Variants in HDAC9 observed in about 807,000 individuals in gnomAD.
The protein encoded by HDAC9 is histone deacetylase 9, also known as MEF-2 interacting transcription repressor (MITR) protein.
A neutral mutation model predicts 139.4 loss-of-function variants in HDAC9; 41 were observed. That is an observed-to-expected ratio of 0.29 (90% CI 0.23 to 0.38). The LOEUF is 0.38. HDAC9 is among the 10% of genes least tolerant of loss of function. The pLI is 1.00. For missense variants in HDAC9, 1,147 were observed against 1,297.0 expected (o/e 0.88, Z 1.78); for synonymous variants, 517 against 476.2 (o/e 1.09, Z -1.12).
intron 22 of HDAC9, among the ~76,000 whole-genome samples, chr7:18,919,765 G>A (rs563439455): frequency 4.1e-4 from 62 of 151,988 alleles, no homozygotes. Context: ...AAATCTGACT[G>A]TCTTTTATTT....
chr7:18,788,261 C>T (rs776656498), intron 16 of HDAC9, among the ~76,000 whole-genome samples: 3 of 152,146 alleles, frequency 2.0e-5, no homozygotes, highest in African/African-American at 4.8e-5. Context: ...TTTGGCTCCA[C>T]CCATAGTTAA....
At chr7:18,786,133 C>T (rs909615062) in intron 16 of HDAC9, among the ~76,000 whole-genome samples, 2 of 152,048 alleles carry the variant, frequency 1.3e-5, no homozygotes, top group African/African-American at 4.8e-5. Flanking sequence ...TAAACGAAAT[C>T]ATGTTTCTGC....
At chr7:18,931,025 A>G (rs763953236) in intron 22 of HDAC9, among the ~76,000 whole-genome samples, 2 of 152,220 alleles carry the variant, frequency 1.3e-5, no homozygotes, top group Non-Finnish European at 2.9e-5. Context: ...ACTAGAAATT[A>G]TTAGTAAGAT....
chr7:18,832,740 T>TA (rs398111123), intron 19 of HDAC9, among the ~76,000 whole-genome samples: 54,095 of 149,352 alleles, frequency 0.36, 9,747 homozygotes, highest in South Asian at 0.52. Flanking sequence ...TATATATATA[T>TA]TTTTTTTTTC....
chr7:18,270,397 A>C (rs1280715102), intron 2 of HDAC9, among the ~76,000 whole-genome samples: 1 of 152,166 alleles, frequency 6.6e-6, no homozygotes, highest in African/African-American at 2.4e-5. Context: ...CATAGAATAA[A>C]AAAGTTCAAT....
chr7:18,466,091 A>G (rs1794252267), intron 1 of HDAC9, among the ~76,000 whole-genome samples: 1 of 152,238 alleles, frequency 6.6e-6, no homozygotes, highest in African/African-American at 2.4e-5. Flanking sequence ...AGTTGGTGGC[A>G]GCATTCAATT....
intron 1 of HDAC9, among the ~76,000 whole-genome samples, chr7:18,375,678 C>T (rs1257156647): frequency 6.6e-6 from 1 of 152,058 alleles, no homozygotes; most frequent in Non-Finnish European, 1.5e-5. Flanking sequence ...AGCCTAAAGC[C>T]CCAGTGTGGA....
chr7:18,814,639 A>G (rs934416514), intron 17 of HDAC9, among the ~76,000 whole-genome samples: 1 of 152,098 alleles, frequency 6.6e-6, no homozygotes, highest in Non-Finnish European at 1.5e-5. Flanking sequence ...AATTGCTTTG[A>G]TGTTCTTTAT....
At position 18,584,025 on chromosome 7, in the gene HDAC9, A is replaced by C. The variant is rs538391920; in HGVS notation, c.23-1256A>C. On this transcript the variant is annotated intron_variant, in intron 2 of 25. Coordinates refer to ENST00000686413, the MANE Select transcript of HDAC9 (RefSeq NM_178425.4). Reference sequence around the variant, plus strand: ...CAAAATATTTAACAACCAGTTTGGCATGGATGCTGGTCATTCAAAATGTCA... The same window carrying C: ...CAAAATATTTAACAACCAGTTTGGCCTGGATGCTGGTCATTCAAAATGTCA... Among the ~76,000 whole-genome samples, 11 of 152,206 alleles carry C rather than the reference A, an allele frequency of 7.2e-5. No individual in the cohort carries two copies. The South Asian group carries it at 2.3e-3, about 32-fold the overall frequency.
intron 6 of HDAC9, among the ~76,000 whole-genome samples, chr7:18,617,184 C>A (rs1460946975): frequency 2.0e-5 from 3 of 152,074 alleles, no homozygotes; most frequent in African/African-American, 7.2e-5. Flanking sequence ...CCACTGATTC[C>A]ATCATACTCC....
intron 24 of HDAC9, among the ~76,000 whole-genome samples, chr7:18,970,178 C>CA (rs1784155054): frequency 6.6e-6 from 1 of 151,932 alleles, no homozygotes; most frequent in South Asian, 2.1e-4. Context: ...CCCGTTGAAA[C>CA]AAAAAATACA....
intron 12 of HDAC9, chr7:18,667,384 T>C (rs1394811683): frequency 1.0e-6 from 1 of 981,000 alleles, no homozygotes; most frequent in African/African-American, 1.8e-5. Flanking sequence ...TCATATTTTA[T>C]ATTGTCACTA....
chr7:18,717,812 C>A (rs1227746538), intron 12 of HDAC9, among the ~76,000 whole-genome samples: 2 of 151,942 alleles, frequency 1.3e-5, no homozygotes, highest in Non-Finnish European at 2.9e-5. Flanking sequence ...TATAATGTAT[C>A]ACTACATAAA....
intron 8 of HDAC9, among the ~76,000 whole-genome samples, chr7:18,644,352 T>G (rs918866871): frequency 1.3e-5 from 2 of 152,138 alleles, no homozygotes; most frequent in Non-Finnish European, 2.9e-5. Context: ...GTAGACATAC[T>G]AATCAGAATT....
At chr7:18,430,671 C>G (rs912050842) in intron 1 of HDAC9, 1 of 151,930 alleles carries the variant, frequency 6.6e-6, no homozygotes, top group Non-Finnish European at 1.5e-5. Context: ...TGCTTGTGGC[C>G]AGTAGTTGGA....
chr7:18,972,369 CTTTTTTTTTTTTTT>C (rs199909134), intron 24 of HDAC9, among the ~76,000 whole-genome samples: 48 of 94,884 alleles, frequency 5.1e-4, no homozygotes, highest in South Asian at 1.3e-3. Context: ...ATGAACTTCT[CTTTTTTTTTTTTTT>C]TTTTTTTTTT....
At chr7:18,691,041 T>C (rs1782637497) in intron 12 of HDAC9, among the ~76,000 whole-genome samples, 1 of 152,062 alleles carries the variant, frequency 6.6e-6, no homozygotes, top group Non-Finnish European at 1.5e-5. Context: ...TTCTTCTGTC[T>C]TGGAAAATTC....
intron 25 of HDAC9, among the ~76,000 whole-genome samples, chr7:18,994,812 G>A (rs959671438): frequency 3.3e-5 from 5 of 152,076 alleles, no homozygotes; most frequent in Non-Finnish European, 7.4e-5. Context: ...TGCATAAACA[G>A]CTCTGGTTTA....
chr7:18,815,745 T>C (rs758905966), intron 17 of HDAC9, among the ~76,000 whole-genome samples: 1 of 152,222 alleles, frequency 6.6e-6, no homozygotes, highest in African/African-American at 2.4e-5. Context: ...CACCATCCAG[T>C]TACATTTCTA....
Sources: allele counts gnomAD v4.1 joint callset (sites outside exome capture counted in the v4.1 genomes callset), GRCh38; gene constraint gnomAD v4.1.1; transcripts MANE v1.5; gene names NCBI Gene and HGNC (gene_info 2026-07-23, HGNC 2026-07-21).